Variants in RYR2 observed in about 807,000 individuals in gnomAD.
RYR2 encodes the protein cardiac muscle ryanodine receptor-calcium release channel.
Under a neutral mutation model 601.1 loss-of-function variants are expected in RYR2, and 227 were observed. That is an observed-to-expected ratio of 0.38 (90% CI 0.34 to 0.42). RYR2 has a LOEUF of 0.42. RYR2 is among the 10% of genes least tolerant of loss of function. The pLI is 1.00. For missense variants in RYR2, 4,646 were observed against 6,156.5 expected (o/e 0.75, Z 8.21); for synonymous variants, 2,223 against 2,175.1 (o/e 1.02, Z -0.61).
intron 34 of RYR2, among the ~76,000 whole-genome samples, chr1:237,598,624 G>A (rs755110116): frequency 1.1e-4 from 17 of 152,130 alleles, no homozygotes; most frequent in East Asian, 3.9e-4. Flanking sequence ...CAAAAATGGC[G>A]ACACAACATA....
chr1:237,788,641 A>G (rs1657945832), intron 92 of RYR2, among the ~76,000 whole-genome samples: 1 of 152,240 alleles, frequency 6.6e-6, no homozygotes, highest in African/African-American at 2.4e-5. Context: ...AAATCCAGGT[A>G]TAAAAATATT....
intron 86 of RYR2, among the ~76,000 whole-genome samples, chr1:237,772,330 G>A (rs937182396): frequency 2.6e-5 from 4 of 151,942 alleles, no homozygotes; most frequent in Admixed American, 2.0e-4. Context: ...GAGATTTTTC[G>A]CCTGTTTTTT....
chr1:237,549,398 G>A (rs1670146741), intron 26 of RYR2, among the ~76,000 whole-genome samples: 1 of 151,998 alleles, frequency 6.6e-6, no homozygotes, highest in Non-Finnish European at 1.5e-5. Flanking sequence ...AACATAGTGA[G>A]AGACCGTCTC....
intron 79 of RYR2, among the ~76,000 whole-genome samples, chr1:237,737,943 C>G (rs1032946053): frequency 8.5e-5 from 13 of 152,168 alleles, no homozygotes; most frequent in Admixed American, 5.9e-4. Context: ...CTTGATAACC[C>G]ATTTTAGACT....
intron 12 of RYR2, among the ~76,000 whole-genome samples, chr1:237,432,730 C>T (rs1477110943): frequency 1.3e-5 from 2 of 152,084 alleles, no homozygotes; most frequent in African/African-American, 2.4e-5. Flanking sequence ...ATTCCTATTT[C>T]GTTGGTTAAA....
At chr1:237,208,782 G>A (rs542464279) in intron 1 of RYR2, among the ~76,000 whole-genome samples, 2 of 151,002 alleles carry the variant, frequency 1.3e-5, no homozygotes, top group South Asian at 2.1e-4. Flanking sequence ...TTAACTACAG[G>A]GACCCACCCT....
chr1:237,628,190 C>G, intron 41 of RYR2, 110 bp downstream of exon 41: 5 of 1,212,606 alleles, frequency 4.1e-6, no homozygotes, highest in Non-Finnish European at 5.7e-6. Flanking sequence ...CTGGATTATA[C>G]GATTATTATA....
At chr1:237,532,210 A>G (rs1572746397) in intron 25 of RYR2, among the ~76,000 whole-genome samples, 1 of 152,286 alleles carries the variant, frequency 6.6e-6, no homozygotes, top group Admixed American at 6.5e-5. Context: ...GTTATTGGAA[A>G]TAGCTCATAG....
At chr1:237,723,316 T>A in intron 74 of RYR2, 54 bp downstream of exon 74, 4 of 1,432,518 alleles carry the variant, frequency 2.8e-6, no homozygotes, top group South Asian at 2.4e-5. Flanking sequence ...ACAAATATTT[T>A]AAAAAGAGAA....
intron 1 of RYR2, among the ~76,000 whole-genome samples, chr1:237,050,216 A>C (rs1661083915): frequency 1.3e-5 from 2 of 152,212 alleles, no homozygotes; most frequent in Admixed American, 1.3e-4. Flanking sequence ...CCACCAACCG[A>C]TGATGAGTAT....
intron 1 of RYR2, among the ~76,000 whole-genome samples, chr1:237,240,665 CAAAAA>C (rs35984919): frequency 1.8e-5 from 1 of 55,146 alleles, no homozygotes; most frequent in Non-Finnish European, 3.3e-5. Flanking sequence ...CTATAAAAGC[CAAAAA>C]AAAAAAAAAA....
In RYR2 at chr1:237,473,431, C is replaced by CTTTCCT. The variant is rs1466932341; in HGVS notation, c.1708+4245_1708+4246insTTCCTT. ...AGAACGAGACTCCATCTCTCTCTCT[C>CTTTCCT]TCTTTCTTTCTTTCTTTCTTTCTTT... is the stretch of plus-strand genomic sequence containing the variant. On this transcript the variant is annotated intron_variant, in intron 17 of 104. Coordinates refer to ENST00000366574, the MANE Select transcript of RYR2 (RefSeq NM_001035.3). Among the ~76,000 whole-genome samples the CTTTCCT allele has an allele frequency of 1.5e-3, 175 of 115,848 alleles. 2 individuals carry two copies. Among genetic ancestry groups the CTTTCCT allele is most frequent in the South Asian group, 2.8e-3 (9 of 3,198 alleles). The allele number at this position is 115,848 out of a possible 152,430, so 76.0% of individuals were successfully genotyped here.
chr1:237,452,040 A>G (rs187808216), intron 14 of RYR2, among the ~76,000 whole-genome samples: 6 of 130,882 alleles, frequency 4.6e-5, no homozygotes, highest in African/African-American at 1.4e-4. Context: ...AGGGAGCTCT[A>G]TTCTTTTGGC....
intron 18 of RYR2, 78 bp from the exon 19 acceptor site, chr1:237,492,876 G>A (rs1387537290): frequency 9.6e-6 from 13 of 1,354,508 alleles, no homozygotes; most frequent in Non-Finnish European, 1.3e-5. Context: ...AGGAAGAAGG[G>A]AAGGAAGGAA....
intron 2 of RYR2, among the ~76,000 whole-genome samples, chr1:237,330,605 C>T (rs1696613269): frequency 6.6e-6 from 1 of 152,224 alleles, no homozygotes; most frequent in South Asian, 2.1e-4. Context: ...CCAGGCTGAA[C>T]TCAAACTCCT....
intron 16 of RYR2, among the ~76,000 whole-genome samples, chr1:237,458,740 TAAAAA>T (rs56396692): frequency 6.7e-6 from 1 of 149,192 alleles, no homozygotes; most frequent in South Asian, 2.1e-4. Flanking sequence ...CAAAAAAAGT[TAAAAA>T]AAAAAAGAAA....
chr1:237,503,589 A>G, intron 22 of RYR2, 84 bp downstream of exon 22: 1 of 1,332,360 alleles, frequency 7.5e-7, no homozygotes, highest in South Asian at 1.3e-5. Context: ...CACAACCCAT[A>G]GGAACGAATT....
intron 1 of RYR2, among the ~76,000 whole-genome samples, chr1:237,238,965 G>A (rs636167): frequency 0.88 from 134,449 of 152,102 alleles, 61,599 homozygotes; most frequent in East Asian, 1. Flanking sequence ...TACACCAGTC[G>A]GACTCTGTTC....
chr1:237,534,146 A>G lies in RYR2; in HGVS notation c.2906+3636A>G, dbSNP rs114240406. ...AATAGTAAGAATGACACACTAGGCA[A>G]TACTGCTCAAAATGAAACTGATGTA... is the stretch of plus-strand genomic sequence containing the variant. On this transcript the variant is annotated intron_variant, in intron 25 of 104. Transcript: ENST00000366574. Among the ~76,000 whole-genome samples, 1,433 of 152,232 alleles carry G rather than the reference A, an allele frequency of 9.4e-3. 25 individuals are homozygous for G. The highest frequency in any genetic ancestry group is 0.033 in the African/African-American group (1,354 of 41,588).
Sources: allele counts gnomAD v4.1 joint callset (sites outside exome capture counted in the v4.1 genomes callset), GRCh38; gene constraint gnomAD v4.1.1; transcripts MANE v1.5; gene names NCBI Gene and HGNC (gene_info 2026-07-23, HGNC 2026-07-21).